Variants in DGKI observed in about 807,000 individuals in gnomAD.
DGKI encodes the protein DAG kinase iota.
In DGKI, 55 loss-of-function variants were observed where a neutral mutation model predicts 147.5. The observed-to-expected ratio is 0.37, with a 90% CI of 0.30 to 0.47. DGKI has a LOEUF of 0.47. Among genes scored for constraint, DGKI ranks in the 20% least tolerant of loss-of-function variants. The probability of loss-of-function intolerance (pLI) is 1.00; values close to 1 mark genes in which losing one functional copy is unlikely to be tolerated. For synonymous variants in DGKI, 469 were observed against 477.1 expected (o/e 0.98, Z 0.22); for missense variants, 1,007 against 1,323.8 (o/e 0.76, Z 3.71).
intron 20 of DGKI, among the ~76,000 whole-genome samples, chr7:137,531,338 G>A (rs1484967819): frequency 6.6e-6 from 1 of 152,140 alleles, no homozygotes; most frequent in Non-Finnish European, 1.5e-5. Flanking sequence ...TGTAATGAAG[G>A]TTTCCTTGTT....
intron 27 of DGKI, among the ~76,000 whole-genome samples, chr7:137,448,943 A>C (rs971763800): frequency 3.3e-5 from 5 of 152,186 alleles, no homozygotes; most frequent in Non-Finnish European, 7.4e-5. Flanking sequence ...AAGATAAATA[A>C]TAATTAAAAA....
chr7:137,718,194 G>C (rs1794438586), intron 1 of DGKI, among the ~76,000 whole-genome samples: 1 of 152,232 alleles, frequency 6.6e-6, no homozygotes, highest in Admixed American at 6.5e-5. Context: ...TTGTCGGACA[G>C]CATGTGGGAG....
At chr7:137,703,835 T>C (rs1253080508) in intron 1 of DGKI, among the ~76,000 whole-genome samples, 1 of 152,128 alleles carries the variant, frequency 6.6e-6, no homozygotes, top group Non-Finnish European at 1.5e-5. Context: ...TTATGAGATA[T>C]GCAAAGAAAC....
intron 23 of DGKI, among the ~76,000 whole-genome samples, chr7:137,473,547 G>T (rs1815060126): frequency 6.6e-6 from 1 of 152,064 alleles, no homozygotes; most frequent in African/African-American, 2.4e-5. Flanking sequence ...ATGTCACAGA[G>T]AATTCAACAA....
chr7:137,725,052 AG>A (rs1218974506), intron 1 of DGKI, among the ~76,000 whole-genome samples: 1 of 152,110 alleles, frequency 6.6e-6, no homozygotes, highest in Non-Finnish European at 1.5e-5. Flanking sequence ...AGAGGTGAGA[AG>A]GGGATGAGGT....
At chr7:137,493,915 CA>C in intron 21 of DGKI, 2 of 601,454 alleles carry the variant, frequency 3.3e-6, no homozygotes, top group Admixed American at 5.8e-5. Flanking sequence ...ACACCCAATC[CA>C]AAAATTCTAA....
intron 1 of DGKI, among the ~76,000 whole-genome samples, chr7:137,734,484 T>C (rs1244764536): frequency 6.6e-6 from 1 of 152,034 alleles, no homozygotes; most frequent in Non-Finnish European, 1.5e-5. Context: ...GTGTGTGCTC[T>C]TCGTCATATC....
At chr7:137,626,425 C>T (rs1820943937) in intron 6 of DGKI, among the ~76,000 whole-genome samples, 1 of 151,922 alleles carries the variant, frequency 6.6e-6, no homozygotes, top group Admixed American at 6.6e-5. Flanking sequence ...GCAACAACCC[C>T]CACAGTCCCC....
chr7:137,568,151 G>A (rs1385109235), intron 19 of DGKI, among the ~76,000 whole-genome samples: 1 of 152,102 alleles, frequency 6.6e-6, no homozygotes, highest in Non-Finnish European at 1.5e-5. Flanking sequence ...TGCACTCTAT[G>A]ATCTGGCCCT....
intron 30 of DGKI, among the ~76,000 whole-genome samples, chr7:137,402,132 G>A (rs1361225466): frequency 1.3e-5 from 2 of 152,190 alleles, no homozygotes; most frequent in Admixed American, 6.6e-5. Context: ...AGAACATTTA[G>A]AACAAAGAGG....
intron 27 of DGKI, among the ~76,000 whole-genome samples, chr7:137,451,946 A>C (rs1813981794): frequency 6.6e-6 from 1 of 152,116 alleles, no homozygotes; most frequent in African/African-American, 2.4e-5. Context: ...GAATGGCTAC[A>C]TCATTTCCTT....
chr7:137,791,660 A>G (rs1292002385), intron 1 of DGKI, among the ~76,000 whole-genome samples: 1 of 152,230 alleles, frequency 6.6e-6, no homozygotes, highest in African/African-American at 2.4e-5. Flanking sequence ...TGAACAAAAA[A>G]ACCTTTTAGC....
chr7:137,622,946 A>C (rs1820802517), intron 7 of DGKI, among the ~76,000 whole-genome samples: 1 of 152,244 alleles, frequency 6.6e-6, no homozygotes, highest in Non-Finnish European at 1.5e-5. Context: ...CAATGAGTGT[A>C]CAGACAACAT....
intron 1 of DGKI, among the ~76,000 whole-genome samples, chr7:137,728,803 A>C (rs73152521): frequency 0.027 from 4,081 of 152,242 alleles, 220 homozygotes; most frequent in East Asian, 0.16. Context: ...AATCACATGA[A>C]AGTTAAATCT....
At chr7:137,601,042 C>T (rs969309827) in intron 10 of DGKI, among the ~76,000 whole-genome samples, 5 of 152,010 alleles carry the variant, frequency 3.3e-5, no homozygotes, top group Admixed American at 3.3e-4. Flanking sequence ...GAGGCCGAGG[C>T]GGGCAGATCA....
intron 30 of DGKI, among the ~76,000 whole-genome samples, chr7:137,400,018 C>T (rs1397353281): frequency 6.6e-6 from 1 of 152,098 alleles, no homozygotes; most frequent in Non-Finnish European, 1.5e-5. Flanking sequence ...CATGAAGTGT[C>T]CTATTCTCTG....
chr7:137,587,011 A>AC (rs1214711115), intron 13 of DGKI, 86 bp downstream of exon 13: 14 of 969,808 alleles, frequency 1.4e-5, no homozygotes, highest in Admixed American at 1.1e-4. Flanking sequence ...CAGCAGCAGT[A>AC]CCCCCCTCTT....
chr7:137,752,925 C>T (rs1402292684), intron 1 of DGKI, among the ~76,000 whole-genome samples: 1 of 152,110 alleles, frequency 6.6e-6, no homozygotes. Flanking sequence ...GGGTATTTTG[C>T]ACCTGTTTTG....
At position 137,786,967 on chromosome 7, in the gene DGKI, A is replaced by G. The variant is rs891547207; in HGVS notation, c.401+59495T>C. ...ATCCTCATCTCTCACCTTATACAAA[A>G]ATCAACTCAAGATAGGTCAAATACT... is the stretch of plus-strand genomic sequence containing the variant. On this transcript the variant is annotated intron_variant, in intron 1 of 32. Coordinates refer to ENST00000614521, the MANE Select transcript of DGKI (RefSeq NM_001321708.2). Among the ~76,000 whole-genome samples, 4 of 152,322 alleles carry G rather than the reference A, an allele frequency of 2.6e-5. No homozygotes were observed. The East Asian group carries it at 7.7e-4, about 29-fold the overall frequency.
Sources: gnomAD v4.1 joint callset for allele counts (sites outside exome capture counted in the v4.1 genomes callset) on GRCh38, gnomAD v4.1.1 for gene constraint, MANE v1.5 for transcripts, NCBI Gene and HGNC (gene_info 2026-07-23, HGNC 2026-07-21) for gene names.